Variants in ERP27 observed in about 807,000 individuals in gnomAD.
ERP27 encodes endoplasmic reticulum protein 27, also known as endoplasmic reticulum resident protein 27.
A neutral mutation model predicts 27.7 loss-of-function variants in ERP27; 23 were observed. The observed-to-expected ratio is 0.83, with a 90% confidence interval of 0.60 to 1.18. The LOEUF (loss-of-function observed/expected upper bound fraction) is 1.18, where lower values mean the gene tolerates loss of function less well. Ranked by LOEUF, ERP27 falls within the 50% of genes most tolerant of loss-of-function variation. The pLI is 0.00. For missense variants in ERP27, 363 were observed against 327.9 expected (o/e 1.11, Z -0.83); for synonymous variants, 159 against 118.3 (o/e 1.34, Z -2.23).
At chr12:14,929,686 AT>A (rs914244671) in intron 3 of ERP27, among the ~76,000 whole-genome samples, 2 of 151,944 alleles carry the variant, frequency 1.3e-5, no homozygotes, top group African/African-American at 4.8e-5. Flanking sequence ...TCTGAAGTAG[AT>A]TTTTTTTGTT....
intron 3 of ERP27, among the ~76,000 whole-genome samples, chr12:14,931,021 AG>A (rs1487694662): frequency 6.6e-6 from 1 of 152,240 alleles, no homozygotes; most frequent in Admixed American, 6.5e-5. Context: ...GTTTATCTTC[AG>A]GGTCAAGTGC....
intron 3 of ERP27, among the ~76,000 whole-genome samples, chr12:14,924,387 G>A (rs900167002): frequency 6.6e-6 from 1 of 152,118 alleles, no homozygotes; most frequent in East Asian, 1.9e-4. Context: ...TCCTTTGGAT[G>A]TATATCCAAT....
At chr12:14,925,474 T>G (rs1200863391) in intron 3 of ERP27, among the ~76,000 whole-genome samples, 4 of 152,314 alleles carry the variant, frequency 2.6e-5, no homozygotes, top group East Asian at 1.9e-4. Flanking sequence ...AAATTTGATA[T>G]GTAGAATTTT....
intron 2 of ERP27, among the ~76,000 whole-genome samples, chr12:14,937,606 AG>A (rs1210679690): frequency 2.6e-5 from 4 of 152,226 alleles, no homozygotes; most frequent in Non-Finnish European, 5.9e-5. Context: ...GCCTATTCAT[AG>A]GGTGCTATGA....
rs761756086 is a variant in ERP27 at position 14,920,964 on chromosome 12, T to A, written c.418A>T (p.Ser140Cys). The A allele has an allele frequency of 1.9e-6, 3 of 1,614,168 alleles. No homozygotes were observed. Among genetic ancestry groups the A allele is most frequent in the Non-Finnish European group, 2.5e-6 (3 of 1,179,982 alleles). Residue 140 changes from serine (S) to cysteine (C), a missense_variant, in exon 4 of 7, where the codon AGC becomes TGC. Transcript: ENST00000266397. ...TKLSRFIEIN[S>C]LHMVTEYNPV... ...TTGTACTCTGTCACCATGTGGAGGC[T>A]GTTGATCTCAATGAAACGGCTCAAT...
chr12:14,930,147 G>T (rs1240747056), intron 3 of ERP27, among the ~76,000 whole-genome samples: 1 of 151,910 alleles, frequency 6.6e-6, no homozygotes, highest in African/African-American at 2.4e-5. Flanking sequence ...AAACCTTCAT[G>T]TTATGCACAT....
Position 14,914,583 on chromosome 12 carries a change from T to A in ERP27, c.*152A>T. 1 of 551,628 alleles carries A rather than the reference T, an allele frequency of 1.8e-6. No individual in the cohort carries two copies. Among genetic ancestry groups the A allele is most frequent in the Non-Finnish European group, 3.2e-6 (1 of 311,216 alleles). 34.2% of individuals were successfully genotyped at this position (551,628 alleles called of 1,614,324 possible). A position where few individuals can be genotyped will look rare whatever the true frequency, so the allele number is the denominator to read the frequency against. On this transcript the variant is annotated 3_prime_UTR_variant, in exon 7 of 7. Coordinates refer to ENST00000266397, the MANE Select transcript of ERP27 (RefSeq NM_152321.4). ...CTGTGTGTGTGTGTGTGTGTGCGTG[T>A]GTGTGTGCACGCGTGCGTGCGTGTG... is the stretch of plus-strand genomic sequence containing the variant.
intron 3 of ERP27, among the ~76,000 whole-genome samples, chr12:14,922,456 T>G (rs1219907988): frequency 8.1e-6 from 1 of 122,788 alleles, no homozygotes; most frequent in Non-Finnish European, 1.7e-5. Flanking sequence ...TCATGTTGCT[T>G]GCCTATTTTT....
intron 5 of ERP27, among the ~76,000 whole-genome samples, chr12:14,916,136 C>T (rs148911670): frequency 1.9e-4 from 29 of 152,146 alleles, no homozygotes; most frequent in Middle Eastern, 6.8e-3. Flanking sequence ...AGTTCAACTA[C>T]GTAATAAGCC....
At chr12:14,922,504 T>C (rs1666792441) in intron 3 of ERP27, among the ~76,000 whole-genome samples, 2 of 152,210 alleles carry the variant, frequency 1.3e-5, no homozygotes, top group South Asian at 4.1e-4. Context: ...AACGTGTTTT[T>C]ATACATTCTG....
At chr12:14,932,623 G>T (rs928810583) in intron 3 of ERP27, among the ~76,000 whole-genome samples, 2 of 152,196 alleles carry the variant, frequency 1.3e-5, no homozygotes, top group Non-Finnish European at 2.9e-5. Context: ...ATGTTGAAGA[G>T]TTTTAAAGAG....
At chr12:14,936,017 C>A (rs972996808) in intron 2 of ERP27, among the ~76,000 whole-genome samples, 1 of 152,078 alleles carries the variant, frequency 6.6e-6, no homozygotes, top group African/African-American at 2.4e-5. Context: ...TCACTGTGCC[C>A]GGCCAAGATG....
intron 2 of ERP27, among the ~76,000 whole-genome samples, chr12:14,937,622 A>G (rs1007471421): frequency 4.6e-5 from 7 of 152,222 alleles, no homozygotes; most frequent in African/African-American, 1.7e-4. Flanking sequence ...CTATGAGAGT[A>G]TAGACCAAAT....
chr12:14,917,340 G>T, intron 4 of ERP27, 37 bp from the exon 5 acceptor site: 2 of 1,613,694 alleles, frequency 1.2e-6, no homozygotes, highest in South Asian at 1.1e-5. Flanking sequence ...GAGTGAAAGC[G>T]AGAAAGAATG....
chr12:14,938,054 T>TAG lies in ERP27; in HGVS notation c.95-4_95-3dup. 2 of 1,612,904 alleles carry TAG rather than the reference T, an allele frequency of 1.2e-6. No individual in the cohort carries two copies. Among genetic ancestry groups the TAG allele is most frequent in the Non-Finnish European group, 1.7e-6 (2 of 1,179,022 alleles). ...GTTCCTGGGCAGCACCAGGACCATC[T>TAG]AGAGAGAGAAGCAGAAGATGTCAGG... On this transcript the variant is annotated splice_region_variant and splice_polypyrimidine_tract_variant and intron_variant, in intron 1 of 6. Transcript: ENST00000266397.
At chr12:14,923,685 T>A (rs1010782831) in intron 3 of ERP27, among the ~76,000 whole-genome samples, 4 of 152,128 alleles carry the variant, frequency 2.6e-5, no homozygotes, top group African/African-American at 9.7e-5. Context: ...CTTTTCTTAG[T>A]GTTTGAAGTC....
chr12:14,924,008 C>T (rs1026434207), intron 3 of ERP27, among the ~76,000 whole-genome samples: 27 of 152,062 alleles, frequency 1.8e-4, no homozygotes, highest in African/African-American at 6.0e-4. Flanking sequence ...CCCCACTTCC[C>T]TCTTCCCTCT....
intron 5 of ERP27, chr12:14,915,971 G>A: frequency 4.5e-6 from 1 of 222,402 alleles, no homozygotes; most frequent in Non-Finnish European, 9.0e-6. Flanking sequence ...TAAATGATGA[G>A]AACTCCTGAA....
intron 3 of ERP27, chr12:14,929,116 A>T: frequency 6.7e-7 from 1 of 1,482,916 alleles, no homozygotes; most frequent in South Asian, 1.3e-5. Flanking sequence ...CTCAGCTCAC[A>T]TCGCTGTGCA....
Sources: allele counts gnomAD v4.1 joint callset (sites outside exome capture counted in the v4.1 genomes callset), GRCh38; gene constraint gnomAD v4.1.1; transcripts MANE v1.5; gene names NCBI Gene and HGNC (gene_info 2026-07-23, HGNC 2026-07-21).